The following CADM2 variants were observed in gnomAD, a reference collection of about 807,000 sequenced individuals.
CADM2 encodes immunoglobulin superfamily member 4D.
In CADM2, 12 loss-of-function variants were observed where a neutral mutation model predicts 49.8. That is an observed-to-expected ratio of 0.24 (90% confidence interval 0.15 to 0.39). CADM2 has a LOEUF of 0.39. CADM2 is among the 10% of genes least tolerant of loss of function. CADM2 has a pLI of 1.00. For synonymous variants in CADM2, 214 were observed against 175.4 expected (o/e 1.22, Z -1.74); for missense variants, 378 against 492.3 (o/e 0.77, Z 2.20).
chr3:85,023,463 C>T (rs897078212), intron 1 of CADM2, among the ~76,000 whole-genome samples: 3 of 151,958 alleles, frequency 2.0e-5, no homozygotes, highest in Admixed American at 2.0e-4. Flanking sequence ...TTTCTGCCTG[C>T]TCTATCAGTT....
chr3:85,273,846 G>A (rs1433280729), intron 1 of CADM2, among the ~76,000 whole-genome samples: 3 of 151,426 alleles, frequency 2.0e-5, no homozygotes, highest in Non-Finnish European at 4.4e-5. Context: ...GATATTGGAT[G>A]AAATCCCAAG....
intron 1 of CADM2, among the ~76,000 whole-genome samples, chr3:85,026,707 A>G (rs1034102295): frequency 6.6e-6 from 1 of 152,208 alleles, no homozygotes; most frequent in Non-Finnish European, 1.5e-5. Context: ...TTAATTGAAT[A>G]TAGAAGTTAC....
At chr3:85,084,876 A>T (rs944904884) in intron 1 of CADM2, among the ~76,000 whole-genome samples, 1 of 151,992 alleles carries the variant, frequency 6.6e-6, no homozygotes, top group Non-Finnish European at 1.5e-5. Context: ...TATTTTATAG[A>T]TTCTTAATGA....
chr3:85,714,536 C>T (rs1217500261), intron 1 of CADM2, among the ~76,000 whole-genome samples: 2 of 152,120 alleles, frequency 1.3e-5, no homozygotes, highest in East Asian at 1.9e-4. Context: ...ACACCATTCT[C>T]CTGCCTCAGC....
At chr3:85,951,863 G>A (rs1305302554) in intron 7 of CADM2, among the ~76,000 whole-genome samples, 1 of 150,790 alleles carries the variant, frequency 6.6e-6, no homozygotes, top group Non-Finnish European at 1.5e-5. Flanking sequence ...ATTAGAGCTG[G>A]GAATTAACTA....
chr3:85,495,224 G>T (rs182898895), intron 1 of CADM2, among the ~76,000 whole-genome samples: 2 of 152,130 alleles, frequency 1.3e-5, no homozygotes, highest in African/African-American at 4.8e-5. Flanking sequence ...GTTCATCAGA[G>T]TGACGACTAA....
At chr3:85,449,052 A>AATAATAATAATAAT (rs2037616655) in intron 1 of CADM2, among the ~76,000 whole-genome samples, 23 of 107,406 alleles carry the variant, frequency 2.1e-4, no homozygotes, top group Admixed American at 4.3e-4. Flanking sequence ...TCCAACTCAA[A>AATAATAATAATAAT]AATAATAATA....
At position 85,574,854 on chromosome 3, in the gene CADM2, C is replaced by CTAAA. The variant is rs544689855; in HGVS notation, c.62-151667_62-151666insAAAT. Among the ~76,000 whole-genome samples the CTAAA allele has an allele frequency of 2.6e-5, 4 of 152,212 alleles. No individual in the cohort carries two copies. In the East Asian group the frequency reaches 7.7e-4, roughly 29 times the overall value. On this transcript the variant is annotated intron_variant, in intron 1 of 9. Coordinates refer to ENST00000383699, the MANE Select transcript of CADM2 (RefSeq NM_001167675.2). ...TTCTCATAAAATTGTCAGTAGAGCA[C>CTAAA]TTTAGCAAACTCTCTGGTCACAGCA...
At chr3:85,092,971 C>T (rs564696750) in intron 1 of CADM2, among the ~76,000 whole-genome samples, 8 of 152,196 alleles carry the variant, frequency 5.3e-5, no homozygotes, top group African/African-American at 1.9e-4. Context: ...GAATAACATG[C>T]CTTTTGTTAT....
chr3:85,744,542 TA>T (rs1201385744), intron 2 of CADM2, among the ~76,000 whole-genome samples: 3 of 151,658 alleles, frequency 2.0e-5, no homozygotes, highest in African/African-American at 7.3e-5. Context: ...AATAAATAAA[TA>T]AATAAATAAG....
At chr3:85,287,359 A>T (rs2043659419) in intron 1 of CADM2, among the ~76,000 whole-genome samples, 1 of 151,956 alleles carries the variant, frequency 6.6e-6, no homozygotes, top group African/African-American at 2.4e-5. Context: ...ACTGGTTTTT[A>T]ATCATAAAAG....
intron 8 of CADM2, among the ~76,000 whole-genome samples, chr3:86,047,165 TGTCTTTCTTAAC>T (rs1736782938): frequency 6.6e-6 from 1 of 152,294 alleles, no homozygotes; most frequent in Admixed American, 6.5e-5. Context: ...TATTTCTTAA[TGTCTTTCTTAAC>T]AAGTATAAGA....
At chr3:85,978,515 G>A (rs1390166252) in intron 8 of CADM2, among the ~76,000 whole-genome samples, 1 of 151,496 alleles carries the variant, frequency 6.6e-6, no homozygotes. Flanking sequence ...CCTAGGTACT[G>A]CAAAATTATT....
chr3:85,153,639 C>T (rs375185020), intron 1 of CADM2, among the ~76,000 whole-genome samples: 1 of 152,128 alleles, frequency 6.6e-6, no homozygotes, highest in Non-Finnish European at 1.5e-5. Flanking sequence ...GGGGGCAGGG[C>T]ACAGACAAAC....
chr3:85,651,982 T>G (rs1339891222), intron 1 of CADM2, among the ~76,000 whole-genome samples: 1 of 125,458 alleles, frequency 8.0e-6, no homozygotes, highest in Non-Finnish European at 1.7e-5. Flanking sequence ...CACGCCCGGC[T>G]ACTTTTTTTT....
intron 1 of CADM2, chr3:85,511,909 A>G (rs956129882): frequency 1.0e-6 from 1 of 968,318 alleles, no homozygotes; most frequent in African/African-American, 1.8e-5. Flanking sequence ...GTAAAACAAG[A>G]AAAAGTGGTG....
intron 1 of CADM2, among the ~76,000 whole-genome samples, chr3:85,170,210 A>G (rs1173093357): frequency 6.6e-6 from 1 of 152,158 alleles, no homozygotes; most frequent in Admixed American, 6.5e-5. Flanking sequence ...TTTACCTAGA[A>G]ATACATTGTG....
At chr3:85,258,770 T>TGTTCC (rs2107883228) in intron 1 of CADM2, among the ~76,000 whole-genome samples, 1 of 152,286 alleles carries the variant, frequency 6.6e-6, no homozygotes, top group South Asian at 2.1e-4. Flanking sequence ...TTTAAATGAT[T>TGTTCC]ATGTTCCAGG....
intron 1 of CADM2, among the ~76,000 whole-genome samples, chr3:85,007,922 G>A (rs2033816601): frequency 6.6e-6 from 1 of 152,162 alleles, no homozygotes; most frequent in South Asian, 2.1e-4. Flanking sequence ...CATTACTCTA[G>A]TTGGCCTTGT....
Sources: gnomAD v4.1 joint callset for allele counts (sites outside exome capture counted in the v4.1 genomes callset) on GRCh38, gnomAD v4.1.1 for gene constraint, MANE v1.5 for transcripts, NCBI Gene and HGNC (gene_info 2026-07-23, HGNC 2026-07-21) for gene names.